OR7C1: variants seen among roughly 807,000 people sequenced by gnomAD.
OR7C1 encodes olfactory receptor family 7 subfamily C member 1.
For synonymous variants in OR7C1, 152 were observed against 160.7 expected (o/e 0.95, Z 0.41); for missense variants, 324 against 383.3 (o/e 0.85, Z 1.29).
At chr19:14,819,183 G>A (rs1599920080) in intron 1 of OR7C1, among the ~76,000 whole-genome samples, 1 of 150,166 alleles carries the variant, frequency 6.7e-6, no homozygotes, top group East Asian at 1.9e-4. Context: ...TTTTAATTTC[G>A]GGGGTACATG....
chr19:14,825,136 C>A (rs1413152906), intron 1 of OR7C1: 1 of 152,164 alleles, frequency 6.6e-6, no homozygotes, highest in African/African-American at 2.4e-5. Context: ...GAGGCTGAGG[C>A]AAGAGGATGG....
At chr19:14,827,697 T>C (rs772801138) in intron 1 of OR7C1, 3 of 1,614,022 alleles carry the variant, frequency 1.9e-6, no homozygotes, top group Non-Finnish European at 1.7e-6. Flanking sequence ...GATGACCTGA[T>C]TAAGTTCACA....
intron 1 of OR7C1, among the ~76,000 whole-genome samples, chr19:14,815,263 C>A (rs554265556): frequency 6.6e-6 from 1 of 152,270 alleles, no homozygotes; most frequent in Non-Finnish European, 1.5e-5. Context: ...CTTTTCTGTT[C>A]TGAAAAGAAC....
At chr19:14,802,840 G>A (rs142027462) in intron 2 of OR7C1, among the ~76,000 whole-genome samples, 4 of 152,234 alleles carry the variant, frequency 2.6e-5, no homozygotes, top group Admixed American at 6.5e-5. Flanking sequence ...CTCATCTCAC[G>A]CCAAGGAAAT....
At chr19:14,816,461 T>A (rs989298670) in intron 1 of OR7C1, among the ~76,000 whole-genome samples, 2 of 152,106 alleles carry the variant, frequency 1.3e-5, no homozygotes, top group African/African-American at 4.8e-5. Flanking sequence ...ACTTGCTGAG[T>A]CTTCCAGCTT....
chr19:14,824,221 A>T (rs568369475), intron 1 of OR7C1: 1 of 152,300 alleles, frequency 6.6e-6, no homozygotes, highest in East Asian at 1.9e-4. Flanking sequence ...CAAAGAGGTA[A>T]CTTTCTTTTT....
At chr19:14,817,960 G>T (rs2044723113) in intron 1 of OR7C1, among the ~76,000 whole-genome samples, 1 of 152,046 alleles carries the variant, frequency 6.6e-6, no homozygotes, top group African/African-American at 2.4e-5. Context: ...AATATTGGGT[G>T]TATTTTGAGT....
chr19:14,799,051 T>C (rs2044625151), exon 5 of OR7C1: 1 of 1,269,128 alleles, frequency 7.9e-7, no homozygotes, highest in Admixed American at 2.7e-5. Context: ...ATAATTTCTT[T>C]CTAGCTCCTG....
chr19:14,802,162 C>A (rs533663624), intron 2 of OR7C1, among the ~76,000 whole-genome samples: 28 of 152,358 alleles, frequency 1.8e-4, no homozygotes, highest in South Asian at 4.1e-4. Context: ...AATATGACAA[C>A]CCCACAGTCC....
intron 1 of OR7C1, chr19:14,821,298 G>A (rs2044740045): frequency 6.6e-6 from 1 of 152,172 alleles, no homozygotes; most frequent in Admixed American, 6.5e-5. Context: ...AATAGATACA[G>A]GAATAACAAT....
intron 1 of OR7C1, among the ~76,000 whole-genome samples, chr19:14,819,014 C>A (rs761694640): frequency 6.6e-6 from 1 of 151,956 alleles, no homozygotes; most frequent in Non-Finnish European, 1.5e-5. Context: ...CCTATTAACT[C>A]GTCATTTAGC....
At chr19:14,805,816 A>G (rs2044663920) in intron 2 of OR7C1, among the ~76,000 whole-genome samples, 1 of 151,932 alleles carries the variant, frequency 6.6e-6, no homozygotes, top group Admixed American at 6.6e-5. Flanking sequence ...GGGATCTAGT[A>G]ATAACATTTT....
At chr19:14,801,859 C>A (rs2044643581) in intron 2 of OR7C1, among the ~76,000 whole-genome samples, 1 of 152,206 alleles carries the variant, frequency 6.6e-6, no homozygotes, top group South Asian at 2.1e-4. Context: ...TCATGAGAAT[C>A]CCATCACAAG....
intron 1 of OR7C1, among the ~76,000 whole-genome samples, chr19:14,834,240 C>T (rs1309827949): frequency 6.6e-6 from 1 of 152,100 alleles, no homozygotes; most frequent in Non-Finnish European, 1.5e-5. Context: ...CCAGTAGTAG[C>T]ATGGACAGAG....
intron 1 of OR7C1, chr19:14,826,757 C>T (rs911781246): frequency 2.6e-5 from 4 of 152,324 alleles, no homozygotes; most frequent in African/African-American, 9.7e-5. Flanking sequence ...ATGGCAGATA[C>T]TGTGGACATG....
chr19:14,827,969 G>C (rs780211106), intron 1 of OR7C1: 37 of 1,614,110 alleles, frequency 2.3e-5, no homozygotes, highest in Admixed American at 1.7e-5. Context: ...TGTAGGTGAT[G>C]ACTTTGTTCT....
chr19:14,827,672 A>G, intron 1 of OR7C1: 1 of 1,614,236 alleles, frequency 6.2e-7, no homozygotes, highest in Non-Finnish European at 8.5e-7. Flanking sequence ...GAAAGCTATC[A>G]GAACAAGCAA....
chr19:14,813,132 A>G (rs1274267595), intron 1 of OR7C1, among the ~76,000 whole-genome samples: 1 of 152,178 alleles, frequency 6.6e-6, no homozygotes, highest in Non-Finnish European at 1.5e-5. Context: ...AAGAAAGGAA[A>G]TCTTCAAACC....
Position 14,829,711 on chromosome 19 carries a change from A to G in OR7C1, c.-623+5363T>C, listed in dbSNP as rs530300189. On this transcript the variant is annotated intron_variant, in intron 1 of 4. Coordinates refer to ENST00000641666, the Ensembl canonical transcript of OR7C1. ...ACTGGACTAGAAAGGTGTCACATCA[A>G]TTGAAATGCATCCCCTCTTTATTTC... 5.9e-5 allele frequency among the ~76,000 whole-genome samples: 9 copies of G among 152,350 alleles called. No homozygotes were observed. The South Asian group carries it at 1.2e-3, about 21-fold the overall frequency.
Sources: allele counts gnomAD v4.1 joint callset (sites outside exome capture counted in the v4.1 genomes callset), GRCh38; gene constraint gnomAD v4.1.1; transcripts MANE v1.5; gene names NCBI Gene and HGNC (gene_info 2026-07-23, HGNC 2026-07-21).